CMAS: variants seen among roughly 807,000 people sequenced by gnomAD.
The protein encoded by CMAS is cytidine monophosphate N-acetylneuraminic acid synthetase, also known as N-acylneuraminate cytidylyltransferase.
CMAS carries 21 observed loss-of-function variants against 53.4 expected under a neutral mutation model. The observed-to-expected ratio is 0.39, with a 90% CI of 0.28 to 0.57. The LOEUF is 0.57. Among genes scored for constraint, CMAS ranks in the 20% least tolerant of loss-of-function variants. The pLI is 0.56. For missense variants in CMAS, 384 were observed against 534.9 expected (o/e 0.72, Z 2.78); for synonymous variants, 189 against 195.2 (o/e 0.97, Z 0.27).
At position 22,062,439 on chromosome 12, in the gene CMAS, G is replaced by T; in HGVS notation, c.1114+5G>T. 6.2e-7 allele frequency: 1 copy of T among 1,609,102 alleles called. No individual in the cohort carries two copies. The highest frequency in any genetic ancestry group is 8.5e-7 in the Non-Finnish European group (1 of 1,179,056). ...GGAAAGAAGTGGCATATCTTGGTTG[G>T]TATCTTTTTATTCACCCATAGTAAA... is the stretch of plus-strand genomic sequence containing the variant. On this transcript the variant is annotated splice_donor_5th_base_variant and intron_variant, in intron 7 of 7. Transcript: ENST00000229329.
At chr12:22,049,219 C>T (rs994171107) in intron 1 of CMAS, among the ~76,000 whole-genome samples, 3 of 152,146 alleles carry the variant, frequency 2.0e-5, no homozygotes, top group Non-Finnish European at 2.9e-5. Flanking sequence ...TGTATTGCTA[C>T]AGTATAGCTT....
At chr12:22,060,967 TAA>T in intron 5 of CMAS, 41 bp downstream of exon 5, 2 of 1,154,302 alleles carry the variant, frequency 1.7e-6, no homozygotes, top group Non-Finnish European at 2.6e-6. Context: ...TACTAAATCT[TAA>T]TAATTATATT....
At chr12:22,061,595 A>G (rs1020995715) in intron 6 of CMAS, 143 bp downstream of exon 6, 7 of 491,084 alleles carry the variant, frequency 1.4e-5, no homozygotes, top group Non-Finnish European at 2.1e-5. Context: ...GAAAATTATT[A>G]TACTATTTAG....
intron 3 of CMAS, 56 bp from the exon 4 acceptor site, chr12:22,058,511 A>G: frequency 1.3e-6 from 2 of 1,512,988 alleles, no homozygotes; most frequent in South Asian, 1.2e-5. Context: ...TAGTTACTAA[A>G]TTAACACTTT....
intron 1 of CMAS, among the ~76,000 whole-genome samples, chr12:22,051,713 G>C (rs143575486): frequency 6.6e-6 from 1 of 152,052 alleles, no homozygotes; most frequent in African/African-American, 2.4e-5. Context: ...TTTTTTCACA[G>C]TGTAATTGCT....
At chr12:22,060,358 A>AAAAAAAAAAAAAAAAAG in intron 4 of CMAS, among the ~76,000 whole-genome samples, 1 of 143,574 alleles carries the variant, frequency 7.0e-6, no homozygotes, top group Non-Finnish European at 1.5e-5. Flanking sequence ...AAAAAAAAAA[A>AAAAAAAAAAAAAAAAAG]AAGCTGGGCG....
At chr12:22,062,585 A>C (rs576291134) in intron 7 of CMAS, 151 bp downstream of exon 7, 1 of 779,564 alleles carries the variant, frequency 1.3e-6, no homozygotes, top group African/African-American at 1.8e-5. Context: ...AAACTGTTAA[A>C]CTGGGACAGT....
At chr12:22,059,274 G>C (rs1950292324) in intron 4 of CMAS, among the ~76,000 whole-genome samples, 1 of 151,390 alleles carries the variant, frequency 6.6e-6, no homozygotes, top group South Asian at 2.1e-4. Flanking sequence ...TCATTTTAGA[G>C]CCTGCAACAT....
intron 4 of CMAS, chr12:22,060,605 G>A (rs1365132902): frequency 1.0e-5 from 4 of 396,376 alleles, no homozygotes; most frequent in Admixed American, 3.6e-5. Flanking sequence ...AATGAGCTAT[G>A]ATTGCACCAT....
rs149873558 is a variant in CMAS at position 22,050,002 on chromosome 12, T to C, written c.260+3439T>C. 1.8e-3 allele frequency among the ~76,000 whole-genome samples: 271 copies of C among 152,338 alleles called. 2 individuals carry two copies. The highest frequency in any genetic ancestry group is 0.012 in the Admixed American group (188 of 15,298). The stretch of plus-strand genomic sequence containing the variant: ...AATGTGAATTTACTCTGTTCAAGTT[T>C]TGTGGCTATGTGCTATTTGTCATCC... On this transcript the variant is annotated intron_variant, in intron 1 of 7. Transcript: ENST00000229329.
chr12:22,055,321 C>A, intron 2 of CMAS, 30 bp downstream of exon 2: 2 of 1,523,446 alleles, frequency 1.3e-6, no homozygotes, highest in Non-Finnish European at 1.8e-6. Flanking sequence ...TTTATTCAAA[C>A]CTTTATGTAC....
chr12:22,060,076 C>CTGTT (rs1273338927), intron 4 of CMAS, among the ~76,000 whole-genome samples: 1 of 151,826 alleles, frequency 6.6e-6, no homozygotes, highest in East Asian at 1.9e-4. Context: ...CCTGTGTTGC[C>CTGTT]TGTTAGTTGC....
intron 3 of CMAS, among the ~76,000 whole-genome samples, chr12:22,055,918 G>A (rs1950265156): frequency 1.3e-5 from 2 of 152,134 alleles, no homozygotes. Flanking sequence ...TTCTAGACAT[G>A]TTTGATGAAC....
rs542146352 is a variant in CMAS at position 22,046,457 on chromosome 12, C to G, written c.154C>G (p.Arg52Gly). ...PPHLAALILA[R>G]GGSKGIPLKN... is the part of the protein sequence containing the mutation. ...GCACCTGGCAGCCCTAATTCTGGCC[C>G]GGGGAGGCAGCAAAGGCATCCCCCT... The change falls in exon 1 of 8, where the codon CGG (arginine) becomes GGG (glycine). Residue 52 changes from arginine to glycine, a missense_variant. Physicochemically the swap from Arg to Gly is moderately radical, Grantham distance 125. This residue lies in a region of CMAS where 111 missense variants were observed against 132.2 expected (regional missense o/e 0.84). Coordinates refer to ENST00000229329, the MANE Select transcript of CMAS (RefSeq NM_018686.6). 2 of 1,610,124 alleles carry G rather than the reference C, an allele frequency of 1.2e-6. No homozygotes were observed.
At position 22,065,177 on chromosome 12, in the gene CMAS, G is replaced by T; in HGVS notation, c.1171G>T (p.Ala391Ser). ...LKRVGLSGAP[A>S]DACSTAQKAV... Reference sequence around the variant, plus strand: ...GAGAGTGGGCCTAAGTGGCGCTCCTGCTGATGCCTGTTCTACTGCCCAGAA... The same window carrying T: ...GAGAGTGGGCCTAAGTGGCGCTCCTTCTGATGCCTGTTCTACTGCCCAGAA... The change falls in exon 8 of 8, where the codon GCT (alanine) becomes TCT (serine). Residue 391 changes from alanine (A) to serine (S), a missense_variant. Coordinates refer to ENST00000229329, the MANE Select transcript of CMAS (RefSeq NM_018686.6). 1.2e-6 allele frequency: 2 copies of T among 1,614,100 alleles called. No individual in the cohort carries two copies. The highest frequency in any genetic ancestry group is 1.7e-6 in the Non-Finnish European group (2 of 1,179,950).
intron 3 of CMAS, among the ~76,000 whole-genome samples, chr12:22,056,038 G>A (rs1205179480): frequency 4.6e-5 from 7 of 152,044 alleles, no homozygotes; most frequent in Admixed American, 3.9e-4. Context: ...ATATAAGAAG[G>A]GTTCCCTAGG....
intron 1 of CMAS, among the ~76,000 whole-genome samples, chr12:22,046,947 G>T (rs1237191342): frequency 6.6e-6 from 1 of 152,168 alleles, no homozygotes; most frequent in East Asian, 1.9e-4. Flanking sequence ...GGGGGCCATC[G>T]AAGCTCCCCT....
rs562714815 is a variant in CMAS at position 22,062,689 on chromosome 12, T to TGATAA, written c.1114+259_1114+263dup. Reference sequence around the variant, plus strand: ...GACTGTACCACTGATTAGCCAGTTGTGATAAGATGAATGTTGTTTCCTCAT... The same window carrying TGATAA: ...GACTGTACCACTGATTAGCCAGTTGTGATAAGATAAGATGAATGTTGTTTCCTCAT... On this transcript the variant is annotated intron_variant, in intron 7 of 7. Transcript: ENST00000229329. Among the ~76,000 whole-genome samples the TGATAA allele has an allele frequency of 5.9e-5, 9 of 152,290 alleles. No individual in the cohort carries two copies. The East Asian group carries it at 1.2e-3, about 20-fold the overall frequency.
At chr12:22,060,021 T>C (rs758865451) in intron 4 of CMAS, among the ~76,000 whole-genome samples, 1 of 152,088 alleles carries the variant, frequency 6.6e-6, no homozygotes, top group African/African-American at 2.4e-5. Context: ...AGCTCAGAGA[T>C]CTAAGAAAAC....
Sources: allele counts gnomAD v4.1 joint callset (sites outside exome capture counted in the v4.1 genomes callset), GRCh38; gene constraint gnomAD v4.1.1; regional missense constraint gnomAD v4.1.1; transcripts MANE v1.5; gene names NCBI Gene and HGNC (gene_info 2026-07-23, HGNC 2026-07-21).